Variants in TIA1 observed in about 807,000 individuals in gnomAD.
TIA1 encodes the protein cytotoxic granule associated RNA binding protein TIA1.
In TIA1, 23 loss-of-function variants were observed where a neutral mutation model predicts 65.9. The observed-to-expected ratio is 0.35, with a 90% CI of 0.25 to 0.49. The LOEUF (loss-of-function observed/expected upper bound fraction) is 0.49, where lower values mean the gene tolerates loss of function less well. Ranked by LOEUF, TIA1 falls within the 20% of genes least tolerant of loss-of-function variation. The pLI is 0.98. For synonymous variants in TIA1, 147 were observed against 149.4 expected, an observed-to-expected ratio of 0.98 and a Z score of 0.12; for missense variants, 371 against 477.9, an observed-to-expected ratio of 0.78 and a Z score of 2.09.
intron 10 of TIA1, 122 bp from the exon 11 acceptor site, chr2:70,215,616 C>T: frequency 2.2e-6 from 2 of 900,904 alleles, no homozygotes; most frequent in East Asian, 2.8e-5. Context: ...GGCATATTTT[C>T]TTTGCTATTT....
rs1573941355 is a variant in TIA1, at chr2:70,248,518, T to C, written c.-88A>G. The C allele has an allele frequency of 1.9e-6, 3 of 1,589,218 alleles. No individual in the cohort carries two copies. The highest frequency in any genetic ancestry group is 4.5e-5 in the East Asian group (2 of 44,492). The stretch of plus-strand genomic sequence containing the variant: ...CGTTTAAGCGGTTATGGCTACAGGA[T>C]AGTGGGGTTTCTCGGCTGACCAGAG... On this transcript the variant is annotated 5_prime_UTR_variant, in exon 1 of 13. Transcript: ENST00000433529.
Position 70,214,331 on chromosome 2 carries a change from G to A in TIA1, c.1034+18C>T. ...ACATTTTCAAAGGTTAGTAAAGGAA[G>A]ACATAAGATATGCTTACTTAAATCC... On this transcript the variant is annotated intron_variant, in intron 12 of 12. Transcript: ENST00000433529. 1 of 1,596,916 alleles carries A rather than the reference G, an allele frequency of 6.3e-7. No homozygotes were observed. Among genetic ancestry groups the A allele is most frequent in the Non-Finnish European group, 8.5e-7 (1 of 1,174,456 alleles).
rs1050885275 is a variant in TIA1 at position 70,213,849 on chromosome 2, G to A, written c.1034+500C>T. Among the ~76,000 whole-genome samples, 8 of 151,946 alleles carry A rather than the reference G, an allele frequency of 5.3e-5. No individual in the cohort carries two copies. In the South Asian group the frequency reaches 6.2e-4, roughly 12 times the overall value. On this transcript the variant is annotated intron_variant, in intron 12 of 12. Transcript: ENST00000433529. ...GTATTTTTAGCAGAGGTGGGGTTTC[G>A]CCATGTTGGCCAGGCTGGTCGCAAA...
At chr2:70,237,940 T>C (rs549798316) in intron 1 of TIA1, among the ~76,000 whole-genome samples, 57 of 152,018 alleles carry the variant, frequency 3.7e-4, no homozygotes, top group East Asian at 2.3e-3. Context: ...GGTGGGCGGA[T>C]CACGAGGTCA....
At chr2:70,246,599 G>C (rs1056790823) in intron 1 of TIA1, among the ~76,000 whole-genome samples, 1 of 152,030 alleles carries the variant, frequency 6.6e-6, no homozygotes, top group Non-Finnish European at 1.5e-5. Context: ...TAAAAGTTGA[G>C]GACAGGCCAG....
intron 1 of TIA1, among the ~76,000 whole-genome samples, chr2:70,238,836 A>G (rs547541354): frequency 3.6e-4 from 55 of 152,264 alleles, no homozygotes; most frequent in African/African-American, 1.3e-3. Flanking sequence ...AGATCACTTT[A>G]GCCAAGGAGT....
chr2:70,209,477 G>T lies in TIA1; in HGVS notation c.*3242C>A. The T allele has an allele frequency of 2.5e-6, 1 of 397,388 alleles. No individual in the cohort carries two copies. The highest frequency in any genetic ancestry group is 4.4e-6 in the Non-Finnish European group (1 of 225,808). The allele number at this position is 397,388 out of a possible 1,614,324, so 24.6% of individuals were successfully genotyped here. On this transcript the variant is annotated 3_prime_UTR_variant, in exon 13 of 13. Transcript: ENST00000433529. ...AGACACACTCACACATTTTATTAAG[G>T]CTCTTAAATTGAAACTCATCATTTT... is the stretch of plus-strand genomic sequence containing the variant.
rs1489031395 is a variant in TIA1 at position 70,227,681 on chromosome 2, T to C, written c.398+54A>G. The C allele has an allele frequency of 8.6e-6, 10 of 1,160,408 alleles. No individual in the cohort carries two copies. In the Admixed American group the frequency reaches 1.9e-4, roughly 22 times the overall value. The allele number at this position is 1,160,408 out of a possible 1,614,324, so 71.9% of individuals were successfully genotyped here. A position where few individuals can be genotyped will look rare whatever the true frequency, so the allele number is the denominator to read the frequency against. ...ACAACAGAATTATTTTCAAGTTATG[T>C]CTACATATAATTGTTTCTAATTAAA... is the stretch of plus-strand genomic sequence containing the variant. On this transcript the variant is annotated intron_variant, in intron 6 of 12. Transcript: ENST00000433529.
intron 7 of TIA1, among the ~76,000 whole-genome samples, chr2:70,217,401 CTTCT>C (rs1189993899): frequency 7.4e-6 from 1 of 134,778 alleles, no homozygotes; most frequent in Non-Finnish European, 1.7e-5. Flanking sequence ...CGAACTTCTT[CTTCT>C]TTTTTTTTTC....
At chr2:70,242,270 C>T (rs780729728) in intron 1 of TIA1, among the ~76,000 whole-genome samples, 8 of 151,930 alleles carry the variant, frequency 5.3e-5, no homozygotes, top group Admixed American at 1.3e-4. Flanking sequence ...CGGTGGCTCA[C>T]GCCTGTAATC....
chr2:70,216,124 G>A (rs1678534928), intron 10 of TIA1, 84 bp downstream of exon 10: 1 of 1,172,502 alleles, frequency 8.5e-7, no homozygotes, highest in South Asian at 1.5e-5. Context: ...ATATTTTGGA[G>A]GAAAAAGTTT....
At chr2:70,228,679 T>C (rs1684802403) in intron 5 of TIA1, 6 of 985,298 alleles carry the variant, frequency 6.1e-6, no homozygotes, top group Non-Finnish European at 7.2e-6. Context: ...AAGTTACCCA[T>C]ATTTGACAGG....
Position 70,248,394 on chromosome 2 carries a change from C to T in TIA1, c.26+11G>A. 6.2e-7 allele frequency: 1 copy of T among 1,600,076 alleles called. No homozygotes were observed. On this transcript the variant is annotated intron_variant, in intron 1 of 12. Transcript: ENST00000433529. ...ACCATCCCGCCTCCCTCATCGCTGC[C>T]CCAGACTCACAGAGTCTTGGGCATC...
rs1242359764 is a variant in TIA1 at position 70,212,224 on chromosome 2, G to C, written c.*495C>G. ...ACCCCAAAGGGATAACAGTGGAGATGGGACAGCTCAAACAATGCCTTTTTT... is the reference window on the plus strand; with the variant it reads ...ACCCCAAAGGGATAACAGTGGAGATCGGACAGCTCAAACAATGCCTTTTTT... On this transcript the variant is annotated 3_prime_UTR_variant, in exon 13 of 13. Coordinates refer to ENST00000433529, the MANE Select transcript of TIA1 (RefSeq NM_022173.4). 6.5e-6 allele frequency: 1 copy of C among 152,878 alleles called. No individual in the cohort carries two copies. The highest frequency in any genetic ancestry group is 1.5e-5 in the Non-Finnish European group (1 of 68,294). 9.5% of individuals were successfully genotyped at this position (152,878 alleles called of 1,614,324 possible).
At chr2:70,248,326 G>A in intron 1 of TIA1, 79 bp downstream of exon 1, 1 of 1,500,198 alleles carries the variant, frequency 6.7e-7, no homozygotes. Context: ...AGAACAATAG[G>A]CTGGGAGCGG....
intron 12 of TIA1, 139 bp downstream of exon 12, chr2:70,214,210 A>G: frequency 1.1e-6 from 1 of 945,860 alleles, no homozygotes; most frequent in Non-Finnish European, 1.5e-6. Context: ...ACTAAAAAAC[A>G]ATTTTAAGTT....
At position 70,235,541 on chromosome 2, in the gene TIA1, A is replaced by AGTGTGTGTGTGTGTGTGTGTGTGTGT. The variant is rs145663932; in HGVS notation, c.123+512_123+537dup. Among the ~76,000 whole-genome samples the AGTGTGTGTGTGTGTGTGTGTGTGTGT allele has an allele frequency of 3.5e-4, 52 of 147,314 alleles. 1 individual carries two copies. The highest frequency in any genetic ancestry group is 1.3e-3 in the African/African-American group (52 of 40,074). On this transcript the variant is annotated intron_variant, in intron 2 of 12. Coordinates refer to ENST00000433529, the MANE Select transcript of TIA1 (RefSeq NM_022173.4). ...AGGGTTAACACCAATTAGATGAATG[A>AGTGTGTGTGTGTGTGTGTGTGTGTGT]GTGTGTGTGTGTGTGTGTGTGTGTG...
chr2:70,219,149 G>A (rs1299355201), intron 7 of TIA1, among the ~76,000 whole-genome samples: 1 of 152,184 alleles, frequency 6.6e-6, no homozygotes, highest in Admixed American at 6.5e-5. Context: ...CAAAATTCAT[G>A]CAGACTAGAG....
chr2:70,226,189 A>G (rs1252650703), intron 6 of TIA1, among the ~76,000 whole-genome samples: 1 of 152,166 alleles, frequency 6.6e-6, no homozygotes, highest in Non-Finnish European at 1.5e-5. Context: ...TGGGACCATA[A>G]GAAAATCTAC....
Sources: allele counts gnomAD v4.1 joint callset (sites outside exome capture counted in the v4.1 genomes callset), GRCh38; gene constraint gnomAD v4.1.1; transcripts MANE v1.5; gene names NCBI Gene and HGNC (gene_info 2026-07-23, HGNC 2026-07-21).